CUX2: variants seen among roughly 807,000 people sequenced by gnomAD.
The protein encoded by CUX2 is homeobox protein cut-like 2.
Under a neutral mutation model 144.8 loss-of-function variants are expected in CUX2, and 40 were observed. The ratio of observed to expected loss-of-function variants is 0.28; its 90% CI spans 0.21 to 0.36. CUX2 has a LOEUF of 0.36. CUX2 is among the 10% of genes least tolerant of loss of function. CUX2 has a pLI of 1.00. For missense variants in CUX2, 1,615 were observed against 1,994.0 expected (o/e 0.81, Z 3.62); for synonymous variants, 827 against 875.6 (o/e 0.94, Z 0.98).
intron 1 of CUX2, among the ~76,000 whole-genome samples, chr12:111,044,791 A>C (rs1345258551): frequency 5.9e-5 from 9 of 152,114 alleles, no homozygotes; most frequent in Admixed American, 5.9e-4. Context: ...CTTGAGGGGC[A>C]GTCTTGGGGG....
chr12:111,075,463 G>A (rs1871480346), intron 1 of CUX2, among the ~76,000 whole-genome samples: 1 of 152,182 alleles, frequency 6.6e-6, no homozygotes, highest in East Asian at 1.9e-4. Flanking sequence ...TGGAGTCAAA[G>A]CGTCTAGGCT....
intron 3 of CUX2, among the ~76,000 whole-genome samples, chr12:111,231,308 C>T (rs1882453857): frequency 6.6e-6 from 1 of 152,096 alleles, no homozygotes; most frequent in South Asian, 2.1e-4. Flanking sequence ...AGTATTTGTC[C>T]TTTCGTGACT....
chr12:111,347,436 G>T, intron 21 of CUX2, 88 bp from the exon 22 acceptor site: 7 of 1,303,290 alleles, frequency 5.4e-6, no homozygotes, highest in Non-Finnish European at 6.3e-6. Context: ...AGGGCAGTGG[G>T]TGGGACCAAA....
At position 111,341,770 on chromosome 12, in the gene CUX2, C is replaced by T. The variant is rs1052347352; in HGVS notation, c.3386-10C>T. The T allele has an allele frequency of 6.4e-6, 10 of 1,573,466 alleles. No homozygotes were observed. Among genetic ancestry groups the T allele is most frequent in the Non-Finnish European group, 8.6e-6 (10 of 1,162,770 alleles). On this transcript the variant is annotated splice_polypyrimidine_tract_variant and intron_variant, in intron 20 of 21. Transcript: ENST00000261726. ...CCACCTCTCAGCCCTCCCTCTCTTCCTGGCCCCAGCCTACCTGAAACGTCG... is the reference window on the plus strand; with the variant it reads ...CCACCTCTCAGCCCTCCCTCTCTTCTTGGCCCCAGCCTACCTGAAACGTCG...
intron 14 of CUX2, 96 bp from the exon 15 acceptor site, chr12:111,309,945 C>G: frequency 9.1e-7 from 1 of 1,102,332 alleles, no homozygotes; most frequent in Non-Finnish European, 1.2e-6. Context: ...CTCTCTCTGT[C>G]TCTCTCCCCC....
intron 3 of CUX2, among the ~76,000 whole-genome samples, chr12:111,249,836 C>A (rs1883479678): frequency 6.6e-6 from 1 of 152,098 alleles, no homozygotes. Flanking sequence ...ACCATAGACT[C>A]CCTCTTCCCC....
chr12:111,209,084 C>T (rs1259759683), intron 1 of CUX2, among the ~76,000 whole-genome samples: 1 of 152,150 alleles, frequency 6.6e-6, no homozygotes, highest in East Asian at 1.9e-4. Context: ...GGAGAGAGTA[C>T]TCTAGGGAGT....
In CUX2 at chr12:111,068,273, T is replaced by TTTTC. The variant is rs1490350349; in HGVS notation, c.63+34044_63+34047dup. 6.6e-6 allele frequency among the ~76,000 whole-genome samples: 1 copy of TTTTC among 152,224 alleles called. No homozygotes were observed. The highest frequency in any genetic ancestry group is 1.5e-5 in the Non-Finnish European group (1 of 68,038). On this transcript the variant is annotated intron_variant, in intron 1 of 21. Coordinates refer to ENST00000261726, the MANE Select transcript of CUX2 (RefSeq NM_015267.4). The surrounding 1 kb of genome is among the most constrained non-coding windows in gnomAD (Gnocchi z 4.9). ...TTGCCCTCCCCACTTTCCCTCTTCC[T>TTTTC]TTTCTTTCTTTCTTGGATTTGCTCT...
At chr12:111,147,057 C>T (rs1876724985) in intron 1 of CUX2, among the ~76,000 whole-genome samples, 1 of 152,184 alleles carries the variant, frequency 6.6e-6, no homozygotes, top group Non-Finnish European at 1.5e-5. Context: ...ATTGCTTGAA[C>T]TCGGGAGGCA....
intron 3 of CUX2, among the ~76,000 whole-genome samples, chr12:111,226,322 C>G (rs1882141773): frequency 6.6e-6 from 1 of 152,164 alleles, no homozygotes; most frequent in Non-Finnish European, 1.5e-5. Flanking sequence ...CAAGTCTTGC[C>G]CCTCTGGAAG....
rs1885901010 is a variant in CUX2, at chr12:111,295,065, A to C, written c.561-268A>C. On this transcript the variant is annotated intron_variant, in intron 6 of 21. Coordinates refer to ENST00000261726, the MANE Select transcript of CUX2 (RefSeq NM_015267.4). The surrounding 1 kb of genome is among the most constrained non-coding windows in gnomAD (Gnocchi z 5.0). ...CCTCATTTTAAAAATAAGGAAACTGAGGACCAGAGAGGTTGCTTGCTACTG... is the reference window on the plus strand; with the variant it reads ...CCTCATTTTAAAAATAAGGAAACTGCGGACCAGAGAGGTTGCTTGCTACTG... Among the ~76,000 whole-genome samples, 1 of 152,204 alleles carries C rather than the reference A, an allele frequency of 6.6e-6. No individual in the cohort carries two copies. The highest frequency in any genetic ancestry group is 2.1e-4 in the South Asian group (1 of 4,832).
intron 10 of CUX2, 37 bp from the exon 11 acceptor site, chr12:111,306,884 T>C: frequency 6.5e-7 from 1 of 1,534,710 alleles, no homozygotes; most frequent in South Asian, 1.3e-5. Flanking sequence ...CCCCCATCCC[T>C]CACCTCTCAG....
chr12:111,234,300 C>A (rs1030775048), intron 3 of CUX2, among the ~76,000 whole-genome samples: 1 of 152,150 alleles, frequency 6.6e-6, no homozygotes, highest in Non-Finnish European at 1.5e-5. Flanking sequence ...CTGCCAAATT[C>A]AGGGAGCAGC....
In CUX2 at chr12:111,312,938, G is replaced by A. The variant is rs946220527; in HGVS notation, c.2002+737G>A. 2.0e-5 allele frequency among the ~76,000 whole-genome samples: 3 copies of A among 152,262 alleles called. No homozygotes were observed. The highest frequency in any genetic ancestry group is 1.9e-4 in the East Asian group (1 of 5,170). ...AGAAGATGGGTTGGACACTGCACCC[G>A]CTTCCCTCCACCCCCACCACAGTGA... is the stretch of plus-strand genomic sequence containing the variant. On this transcript the variant is annotated intron_variant, in intron 16 of 21. Transcript: ENST00000261726. The surrounding 1 kb of genome is among the most constrained non-coding windows in gnomAD (Gnocchi z 4.3).
At chr12:111,303,088 G>A (rs997821396) in intron 9 of CUX2, among the ~76,000 whole-genome samples, 2 of 149,252 alleles carry the variant, frequency 1.3e-5, no homozygotes, top group Non-Finnish European at 3.0e-5. Flanking sequence ...CGTCATGGTA[G>A]TGCACACCTG....
At chr12:111,122,079 AT>A (rs1364521478) in intron 1 of CUX2, among the ~76,000 whole-genome samples, 2 of 152,202 alleles carry the variant, frequency 1.3e-5, no homozygotes, top group Non-Finnish European at 2.9e-5. Context: ...AAATATAGCC[AT>A]TTAAAAAGAA....
At chr12:111,177,903 G>A (rs1208790520) in intron 1 of CUX2, among the ~76,000 whole-genome samples, 1 of 152,222 alleles carries the variant, frequency 6.6e-6, no homozygotes, top group East Asian at 1.9e-4. Flanking sequence ...CTGTCTCAAA[G>A]CATTGTTGCT....
intron 1 of CUX2, among the ~76,000 whole-genome samples, chr12:111,213,304 A>G (rs1565852206): frequency 6.6e-6 from 1 of 152,258 alleles, no homozygotes. Context: ...ATGACAACTC[A>G]TGGTGAATTG....
At chr12:111,125,260 A>G (rs571741462) in intron 1 of CUX2, among the ~76,000 whole-genome samples, 1 of 150,784 alleles carries the variant, frequency 6.6e-6, no homozygotes, top group African/African-American at 2.4e-5. Flanking sequence ...GCTCACTGCA[A>G]CCTCCGCCTC....
Sources: gnomAD v4.1 joint callset for allele counts (sites outside exome capture counted in the v4.1 genomes callset) on GRCh38, gnomAD v4.1.1 for gene constraint, Gnocchi (gnomAD v3.1) non-coding constraint, MANE v1.5 for transcripts, NCBI Gene and HGNC (gene_info 2026-07-23, HGNC 2026-07-21) for gene names.